DHX8: variants seen among roughly 807,000 people sequenced by gnomAD.
DHX8 encodes the protein DEAH-box helicase 8, also known as ATP-dependent RNA helicase DHX8.
Under a neutral mutation model 140.7 loss-of-function variants are expected in DHX8, and 67 were observed. The observed-to-expected ratio is 0.48, with a 90% confidence interval of 0.39 to 0.58. The LOEUF is 0.58. Ranked by LOEUF, DHX8 falls within the 20% of genes least tolerant of loss-of-function variation. DHX8 has a pLI of 0.00. For missense variants in DHX8, 887 were observed against 1,550.7 expected (o/e 0.57, Z 7.19); for synonymous variants, 533 against 553.2 (o/e 0.96, Z 0.51).
chr17:43,542,165 AGATC>A (rs1971557685), intron 3 of DHX8, among the ~76,000 whole-genome samples: 1 of 152,198 alleles, frequency 6.6e-6, no homozygotes, highest in African/African-American at 2.4e-5. Context: ...AGGGGAGCGC[AGATC>A]GATCGATCCC....
chr17:43,507,347 G>A lies in DHX8; in HGVS notation c.1923+150G>A. 9 of 1,124,548 alleles carry A rather than the reference G, an allele frequency of 8.0e-6. 1 individual carries two copies. Among genetic ancestry groups the A allele is most frequent in the Middle Eastern group, 5.9e-4 (2 of 3,372 alleles). 69.7% of individuals were successfully genotyped at this position (1,124,548 alleles called of 1,614,324 possible). On this transcript the variant is annotated intron_variant, in intron 13 of 22. Coordinates refer to ENST00000262415, the MANE Select transcript of DHX8 (RefSeq NM_004941.3). The stretch of plus-strand genomic sequence containing the variant: ...CATTGTCATAATCAGTCTGTTCAGA[G>A]TATAGTCTAAGACATACCTTACTAT...
At chr17:43,540,899 C>T (rs898632987) in intron 3 of DHX8, among the ~76,000 whole-genome samples, 12 of 152,018 alleles carry the variant, frequency 7.9e-5, no homozygotes, top group African/African-American at 1.2e-4. Context: ...GGGTGGCTGA[C>T]GCATTCCGGC....
Position 43,491,154 on chromosome 17 carries a change from A to C in DHX8, c.308-11A>C. ...TTTTTTTAACCCCTTCATGCTCTTT[A>C]ATGAAACAAGATCCAGTTGTTAAAC... On this transcript the variant is annotated splice_polypyrimidine_tract_variant and intron_variant, in intron 3 of 22. Coordinates refer to ENST00000262415, the MANE Select transcript of DHX8 (RefSeq NM_004941.3). 1 of 1,468,206 alleles carries C rather than the reference A, an allele frequency of 6.8e-7. No homozygotes were observed. The highest frequency in any genetic ancestry group is 9.1e-7 in the Non-Finnish European group (1 of 1,093,528). 90.9% of individuals were successfully genotyped at this position (1,468,206 alleles called of 1,614,324 possible).
chr17:43,539,268 A>G lies in DHX8; in HGVS notation c.*20+2770A>G, dbSNP rs1034878915. ...ACTCTGGTCTCCTTTCTAGCCCTCA[A>G]AGCTGCTGAGCTTGTTCCTTCTTCC... On this transcript the variant is annotated intron_variant, in intron 3 of 3. Transcript: ENST00000589898. 1.2e-4 allele frequency among the ~76,000 whole-genome samples: 18 copies of G among 152,066 alleles called. 3 individuals carry two copies. The highest frequency in any genetic ancestry group is 1.0e-3 in the Admixed American group (16 of 15,268).
chr17:43,530,470 GT>G, downstream of DHX8: 1 of 1,321,986 alleles, frequency 7.6e-7, no homozygotes, highest in African/African-American at 1.5e-5. Flanking sequence ...GGGAGCAGCT[GT>G]TTCCTGCGAG....
At chr17:43,526,404 A>G (rs965557095), downstream of DHX8, 12 of 1,522,344 alleles carry the variant, frequency 7.9e-6, no homozygotes, top group African/African-American at 9.6e-5. Flanking sequence ...CCTATGGGGC[A>G]TGTGTGAGCT....
At chr17:43,521,633 C>T in intron 21 of DHX8, 68 bp downstream of exon 21, 1 of 1,457,568 alleles carries the variant, frequency 6.9e-7, no homozygotes, top group Non-Finnish European at 9.4e-7. Context: ...CTTTTCATCT[C>T]TGTGTGTACC....
At chr17:43,495,346 A>G (rs1031901858) in intron 8 of DHX8, among the ~76,000 whole-genome samples, 1 of 152,174 alleles carries the variant, frequency 6.6e-6, no homozygotes, top group African/African-American at 2.4e-5. Flanking sequence ...TGGCATGACC[A>G]TGGCTCACTG....
chr17:43,497,522 G>A (rs1054857029), intron 9 of DHX8, among the ~76,000 whole-genome samples: 3 of 152,116 alleles, frequency 2.0e-5, no homozygotes, highest in African/African-American at 7.2e-5. Context: ...GAGGCTGGCT[G>A]AGATGGTAGG....
In DHX8 at chr17:43,491,153, T is replaced by C. The variant is rs1218615633; in HGVS notation, c.308-12T>C. The C allele has an allele frequency of 4.8e-6, 7 of 1,465,100 alleles. No homozygotes were observed. The highest frequency in any genetic ancestry group is 5.5e-6 in the Non-Finnish European group (6 of 1,090,910). The allele number at this position is 1,465,100 out of a possible 1,614,324, so 90.8% of individuals were successfully genotyped here. A position where few individuals can be genotyped will look rare whatever the true frequency, so the allele number is the denominator to read the frequency against. ...CTTTTTTTAACCCCTTCATGCTCTT[T>C]AATGAAACAAGATCCAGTTGTTAAA... On this transcript the variant is annotated splice_polypyrimidine_tract_variant and intron_variant, in intron 3 of 22. Transcript: ENST00000262415.
intron 2 of DHX8, chr17:43,533,278 G>T (rs1971052864): frequency 6.2e-7 from 1 of 1,613,956 alleles, no homozygotes; most frequent in Non-Finnish European, 8.5e-7. Context: ...GGAAAGGGCT[G>T]TAGGGGCGAC....
intron 3 of DHX8, 113 bp from the exon 4 acceptor site, chr17:43,491,051 CA>C (rs1359977202): frequency 1.3e-5 from 6 of 459,750 alleles, no homozygotes; most frequent in Non-Finnish European, 2.3e-5. Flanking sequence ...AGCAAAATGC[CA>C]TGTTCTGTTT....
rs1371145975 is a variant in DHX8, at chr17:43,523,503, T to C, written c.3444-125T>C. Reference sequence around the variant, plus strand: ...CTGTCATAAACAGACTGCAGTCTTATAGGTGTCAGGCAGGAGAGGTAATAG... The same window carrying C: ...CTGTCATAAACAGACTGCAGTCTTACAGGTGTCAGGCAGGAGAGGTAATAG... On this transcript the variant is annotated intron_variant, in intron 22 of 22. Coordinates refer to ENST00000262415, the MANE Select transcript of DHX8 (RefSeq NM_004941.3). 9.0e-6 allele frequency: 13 copies of C among 1,450,000 alleles called. No individual in the cohort carries two copies. The East Asian group carries it at 1.9e-4, about 21-fold the overall frequency. The allele number at this position is 1,450,000 out of a possible 1,614,324, so 89.8% of individuals were successfully genotyped here. A position where few individuals can be genotyped will look rare whatever the true frequency, so the allele number is the denominator to read the frequency against.
At chr17:43,498,725 A>G (rs1969016307) in intron 9 of DHX8, 137 bp from the exon 10 acceptor site, 1 of 588,570 alleles carries the variant, frequency 1.7e-6, no homozygotes, top group East Asian at 3.4e-5. Context: ...CTGAGATTAC[A>G]GGCGTGAGCC....
intron 15 of DHX8, 23 bp downstream of exon 15, chr17:43,508,042 C>G: frequency 2.5e-6 from 4 of 1,607,996 alleles, no homozygotes; most frequent in South Asian, 1.1e-5. Flanking sequence ...AGCAATTTTC[C>G]TTTTTGGGAG....
chr17:43,532,996 G>A, intron 2 of DHX8: 5 of 1,524,456 alleles, frequency 3.3e-6, no homozygotes, highest in Non-Finnish European at 4.4e-6. Context: ...ATCCTTCCTC[G>A]AGCCTGTTAC....
At chr17:43,491,910 A>T (rs766154314) in intron 4 of DHX8, among the ~76,000 whole-genome samples, 113 of 152,294 alleles carry the variant, frequency 7.4e-4, no homozygotes, top group Non-Finnish European at 1.4e-3. Flanking sequence ...TATTAATATA[A>T]TCATCACTTG....
chr17:43,525,898 G>A, downstream of DHX8: 1 of 985,438 alleles, frequency 1.0e-6, no homozygotes, highest in Non-Finnish European at 1.2e-6. Context: ...TGGGTTTCAA[G>A]CTGAGGTTGA....
intron 11 of DHX8, among the ~76,000 whole-genome samples, chr17:43,501,448 A>G (rs957708401): frequency 2.6e-5 from 4 of 152,242 alleles, no homozygotes; most frequent in South Asian, 2.1e-4. Flanking sequence ...GCTCAATTCT[A>G]ATAGCACTGG....
Sources: gnomAD v4.1 joint callset for allele counts (sites outside exome capture counted in the v4.1 genomes callset) on GRCh38, gnomAD v4.1.1 for gene constraint, MANE v1.5 for transcripts, NCBI Gene and HGNC (gene_info 2026-07-23, HGNC 2026-07-21) for gene names.